Variants in SLC27A2 observed in about 807,000 individuals in gnomAD.
SLC27A2 encodes solute carrier family 27 member 2.
Under a neutral mutation model 60.0 loss-of-function variants are expected in SLC27A2, and 54 were observed. The observed-to-expected ratio is 0.90, with a 90% CI of 0.72 to 1.13. The LOEUF (loss-of-function observed/expected upper bound fraction) is 1.13, where lower values mean the gene tolerates loss of function less well. Among genes scored for constraint, SLC27A2 ranks in the 50% most tolerant of loss-of-function variants. SLC27A2 has a pLI of 0.00. For synonymous variants in SLC27A2, 297 were observed against 297.6 expected, an observed-to-expected ratio of 1.00 and a Z score of 0.02; for missense variants, 739 against 777.6, an observed-to-expected ratio of 0.95 and a Z score of 0.59.
intron 4 of SLC27A2, among the ~76,000 whole-genome samples, chr15:50,217,840 G>A (rs2045210706): frequency 6.6e-6 from 1 of 152,092 alleles, no homozygotes; most frequent in African/African-American, 2.4e-5. Flanking sequence ...CGGATCACAA[G>A]GTCAGGAGTT....
intron 3 of SLC27A2, among the ~76,000 whole-genome samples, chr15:50,203,968 G>A (rs536410507): frequency 2.0e-5 from 3 of 152,094 alleles, no homozygotes; most frequent in African/African-American, 7.2e-5. Context: ...AGAGATAAAT[G>A]TTGTTTAAGC....
At chr15:50,202,425 T>C in intron 2 of SLC27A2, 62 bp from the exon 3 acceptor site, 1 of 1,545,420 alleles carries the variant, frequency 6.5e-7, no homozygotes, top group Non-Finnish European at 8.9e-7. Flanking sequence ...GCCAGATCTC[T>C]CTCCTACACT....
chr15:50,198,872 A>G (rs569739090), intron 2 of SLC27A2, among the ~76,000 whole-genome samples: 1 of 152,208 alleles, frequency 6.6e-6, no homozygotes, highest in South Asian at 2.1e-4. Context: ...CTTCACCTCG[A>G]CAGGCCCTCA....
At chr15:50,222,916 AG>A in intron 4 of SLC27A2, 48 bp from the exon 5 acceptor site, 2 of 1,400,042 alleles carry the variant, frequency 1.4e-6, no homozygotes, top group Middle Eastern at 1.8e-4. Flanking sequence ...ATGTAAGCAT[AG>A]GCTCCAGAGA....
Position 50,222,972 on chromosome 15 carries a change from A to G in SLC27A2, c.980A>G (p.Asn327Ser). 6.2e-7 allele frequency: 1 copy of G among 1,607,550 alleles called. No individual in the cohort carries two copies. The highest frequency in any genetic ancestry group is 8.5e-7 in the Non-Finnish European group (1 of 1,176,582). ...TCTTCTCCCCCACCACAGAAACCAA[A>G]TGACCGTGATCATAAAGTGAGACTG... is the stretch of plus-strand genomic sequence containing the variant. The part of the protein sequence containing the change: ...RYLCNSPQKP[N>S]DRDHKVRLAL... Residue 327 changes from asparagine to serine, a missense_variant, in exon 5 of 10, where the codon AAT (asparagine) becomes AGT (serine). Physicochemically the swap from Asn to Ser is conservative, Grantham distance 46 (BLOSUM62 1). Coordinates refer to ENST00000267842, the MANE Select transcript of SLC27A2 (RefSeq NM_003645.4).
At chr15:50,227,217 C>G (rs753588979) in intron 7 of SLC27A2, 39 bp downstream of exon 7, 5 of 1,535,724 alleles carry the variant, frequency 3.3e-6, no homozygotes, top group Admixed American at 3.4e-5. Flanking sequence ...AACAAACACA[C>G]GCACAGTTTG....
Position 50,222,959 on chromosome 15 carries a change from C to T in SLC27A2, c.973-6C>T. Reference sequence around the variant, plus strand: ...AGTTTGGTCTCCTTCTTCTCCCCCACCACAGAAACCAAATGACCGTGATCA... The same window carrying T: ...AGTTTGGTCTCCTTCTTCTCCCCCATCACAGAAACCAAATGACCGTGATCA... On this transcript the variant is annotated splice_region_variant and splice_polypyrimidine_tract_variant and intron_variant, in intron 4 of 9. Coordinates refer to ENST00000267842, the MANE Select transcript of SLC27A2 (RefSeq NM_003645.4). The T allele has an allele frequency of 4.4e-6, 7 of 1,600,076 alleles. No homozygotes were observed. The highest frequency in any genetic ancestry group is 6.0e-6 in the Non-Finnish European group (7 of 1,172,404).
chr15:50,194,720 C>T (rs2045000412), intron 1 of SLC27A2, among the ~76,000 whole-genome samples: 1 of 152,106 alleles, frequency 6.6e-6, no homozygotes, highest in Admixed American at 6.5e-5. Flanking sequence ...GATGCTACCA[C>T]TCCCGTTTCT....
At chr15:50,195,238 G>A (rs1290031544) in intron 1 of SLC27A2, among the ~76,000 whole-genome samples, 4 of 151,732 alleles carry the variant, frequency 2.6e-5, no homozygotes, top group African/African-American at 7.3e-5. Context: ...AGGCAGAGGC[G>A]GGCGGATCAC....
intron 4 of SLC27A2, among the ~76,000 whole-genome samples, chr15:50,205,953 A>G (rs1362127094): frequency 6.6e-6 from 1 of 152,182 alleles, no homozygotes; most frequent in Non-Finnish European, 1.5e-5. Flanking sequence ...TCTGTCACCA[A>G]GCTGGGAACA....
chr15:50,210,007 C>T (rs1334044889), intron 4 of SLC27A2, among the ~76,000 whole-genome samples: 1 of 152,190 alleles, frequency 6.6e-6, no homozygotes, highest in Non-Finnish European at 1.5e-5. Context: ...GGAAGGAAGC[C>T]AGTTGCCTTC....
chr15:50,183,852 C>T (rs559888781), intron 1 of SLC27A2, among the ~76,000 whole-genome samples: 13 of 152,108 alleles, frequency 8.5e-5, no homozygotes, highest in Non-Finnish European at 1.8e-4. Flanking sequence ...GTGCTAAGCC[C>T]TATAGTAGAT....
intron 8 of SLC27A2, among the ~76,000 whole-genome samples, chr15:50,230,558 A>G (rs961368444): frequency 6.6e-6 from 1 of 152,190 alleles, no homozygotes; most frequent in Non-Finnish European, 1.5e-5. Flanking sequence ...AACAAAAAGA[A>G]TATTCAAGAA....
At chr15:50,184,503 C>CA (rs1184940554) in intron 1 of SLC27A2, among the ~76,000 whole-genome samples, 1 of 151,858 alleles carries the variant, frequency 6.6e-6, no homozygotes, top group Non-Finnish European at 1.5e-5. Flanking sequence ...ATAAATAATC[C>CA]AAAAAATATA....
intron 2 of SLC27A2, among the ~76,000 whole-genome samples, chr15:50,199,613 CT>C (rs1449170630): frequency 6.6e-6 from 1 of 151,930 alleles, no homozygotes; most frequent in South Asian, 2.1e-4. Flanking sequence ...GTTTATTTTA[CT>C]TTTTTCATTT....
intron 1 of SLC27A2, among the ~76,000 whole-genome samples, chr15:50,184,477 C>T (rs979449795): frequency 2.0e-5 from 3 of 152,138 alleles, no homozygotes; most frequent in Admixed American, 2.0e-4. Flanking sequence ...TACACACCTG[C>T]TTCATGTGGC....
At chr15:50,211,071 G>T (rs992280885) in intron 4 of SLC27A2, among the ~76,000 whole-genome samples, 10 of 152,182 alleles carry the variant, frequency 6.6e-5, no homozygotes, top group Non-Finnish European at 1.0e-4. Flanking sequence ...AGAGGACAAA[G>T]AACATATAAT....
intron 3 of SLC27A2, 86 bp downstream of exon 3, chr15:50,202,731 C>G: frequency 7.1e-7 from 1 of 1,401,136 alleles, no homozygotes; most frequent in Non-Finnish European, 1.0e-6. Context: ...GGCTACGTTG[C>G]TGTCTGCTAG....
chr15:50,206,564 C>A (rs971404738), intron 4 of SLC27A2, among the ~76,000 whole-genome samples: 4 of 149,558 alleles, frequency 2.7e-5, no homozygotes, highest in African/African-American at 4.9e-5. Flanking sequence ...CAGGCCTCTT[C>A]TGCTAATAAT....
Sources: gnomAD v4.1 joint callset for allele counts (sites outside exome capture counted in the v4.1 genomes callset) on GRCh38, gnomAD v4.1.1 for gene constraint, MANE v1.5 for transcripts, NCBI Gene and HGNC (gene_info 2026-07-23, HGNC 2026-07-21) for gene names.